PHACTR1: variants seen among roughly 807,000 people sequenced by gnomAD.
The protein encoded by PHACTR1 is phosphatase and actin regulator 1.
PHACTR1 carries 16 observed loss-of-function variants against 69.2 expected under a neutral mutation model. The observed-to-expected ratio is 0.23, with a 90% CI of 0.16 to 0.35. The LOEUF (loss-of-function observed/expected upper bound fraction) is 0.35, where lower values mean the gene tolerates loss of function less well. Ranked by LOEUF, PHACTR1 falls within the 10% of genes least tolerant of loss-of-function variation. The pLI is 1.00. For missense variants in PHACTR1, 510 were observed against 734.7 expected, an observed-to-expected ratio of 0.69 and a Z score of 3.54; for synonymous variants, 312 against 284.5, an observed-to-expected ratio of 1.10 and a Z score of -0.97.
intron 4 of PHACTR1, among the ~76,000 whole-genome samples, chr6:12,936,660 A>G (rs896820362): frequency 1.3e-5 from 2 of 152,250 alleles, no homozygotes; most frequent in African/African-American, 4.8e-5. Flanking sequence ...ATTTTTCCTA[A>G]AGCAACAAAC....
At chr6:12,850,088 G>A (rs1034268340) in intron 4 of PHACTR1, among the ~76,000 whole-genome samples, 14 of 152,294 alleles carry the variant, frequency 9.2e-5, no homozygotes, top group Admixed American at 8.5e-4. Context: ...GTATTTGACT[G>A]CATGGACTGA....
At chr6:13,264,706 G>A (rs1776379001) in intron 10 of PHACTR1, among the ~76,000 whole-genome samples, 1 of 151,528 alleles carries the variant, frequency 6.6e-6, no homozygotes, top group South Asian at 2.1e-4. Context: ...GCCACAGAGT[G>A]AGCCCTCATC....
chr6:12,944,787 A>ATTTTATTTTTT (rs1554172586), intron 4 of PHACTR1, among the ~76,000 whole-genome samples: 2 of 116,340 alleles, frequency 1.7e-5, no homozygotes, highest in African/African-American at 6.6e-5. Context: ...ATTTTTATTT[A>ATTTTATTTTTT]TTTTTTTTTT....
At chr6:12,884,749 T>C (rs1239648717) in intron 4 of PHACTR1, among the ~76,000 whole-genome samples, 1 of 152,030 alleles carries the variant, frequency 6.6e-6, no homozygotes, top group African/African-American at 2.4e-5. Context: ...AATGCATCAT[T>C]CATTCATTCA....
At chr6:13,051,714 A>G (rs543658005) in intron 4 of PHACTR1, among the ~76,000 whole-genome samples, 1 of 152,332 alleles carries the variant, frequency 6.6e-6, no homozygotes, top group African/African-American at 2.4e-5. Context: ...AAGCAGAATT[A>G]GTTGCTCTCT....
intron 6 of PHACTR1, among the ~76,000 whole-genome samples, chr6:13,160,670 C>T (rs1758858789): frequency 6.6e-6 from 1 of 152,166 alleles, no homozygotes; most frequent in African/African-American, 2.4e-5. Flanking sequence ...GAAATCCATA[C>T]TCATCTAGGA....
chr6:13,271,599 A>G (rs1048126017), intron 10 of PHACTR1, among the ~76,000 whole-genome samples: 7 of 152,320 alleles, frequency 4.6e-5, no homozygotes, highest in African/African-American at 1.7e-4. Context: ...GCAAAAAACT[A>G]TGTGTATCCT....
intron 5 of PHACTR1, among the ~76,000 whole-genome samples, chr6:13,152,764 A>G (rs1214667832): frequency 6.6e-6 from 1 of 152,208 alleles, no homozygotes; most frequent in Non-Finnish European, 1.5e-5. Flanking sequence ...ACTGCCATTG[A>G]AAAGATTGTT....
intron 4 of PHACTR1, chr6:12,957,979 G>A (rs888290806): frequency 1.0e-6 from 1 of 985,424 alleles, no homozygotes; most frequent in Non-Finnish European, 1.2e-6. Flanking sequence ...GGAAAGCCAG[G>A]AAACAGACCC....
intron 4 of PHACTR1, among the ~76,000 whole-genome samples, chr6:12,956,767 C>T (rs1791945399): frequency 6.6e-6 from 1 of 152,106 alleles, no homozygotes; most frequent in African/African-American, 2.4e-5. Context: ...TTTATTTGCA[C>T]ATGTTTTATA....
At chr6:13,126,915 G>A (rs1819626205) in intron 5 of PHACTR1, among the ~76,000 whole-genome samples, 1 of 152,174 alleles carries the variant, frequency 6.6e-6, no homozygotes, top group Non-Finnish European at 1.5e-5. Context: ...TTTTGGCTGG[G>A]CCTGAGAGTT....
intron 4 of PHACTR1, among the ~76,000 whole-genome samples, chr6:12,980,192 T>C (rs756190279): frequency 2.6e-5 from 4 of 152,180 alleles, no homozygotes; most frequent in Non-Finnish European, 5.9e-5. Context: ...TCTAAGTGCA[T>C]ACAGAAAAAG....
At chr6:12,781,819 C>A (rs1156634950) in intron 4 of PHACTR1, among the ~76,000 whole-genome samples, 1 of 152,220 alleles carries the variant, frequency 6.6e-6, no homozygotes, top group South Asian at 2.1e-4. Context: ...TCACTACCAA[C>A]CGACTGCTTA....
intron 7 of PHACTR1, among the ~76,000 whole-genome samples, chr6:13,190,201 T>A (rs962862715): frequency 7.4e-6 from 1 of 135,368 alleles, no homozygotes; most frequent in Admixed American, 7.2e-5. Flanking sequence ...TTTTTGTATT[T>A]TTTTTTTTTT....
At chr6:13,173,326 A>G (rs1030925311) in intron 6 of PHACTR1, among the ~76,000 whole-genome samples, 6 of 152,210 alleles carry the variant, frequency 3.9e-5, no homozygotes, top group Non-Finnish European at 7.3e-5. Context: ...CCAAGCATCA[A>G]ATGATAGTCA....
chr6:13,193,453 C>G (rs1763910132), intron 7 of PHACTR1, among the ~76,000 whole-genome samples: 1 of 146,980 alleles, frequency 6.8e-6, no homozygotes, highest in Non-Finnish European at 1.5e-5. Flanking sequence ...GTGGCATGAT[C>G]ATAGCTCACT....
intron 6 of PHACTR1, among the ~76,000 whole-genome samples, chr6:13,163,181 G>T (rs1229047027): frequency 2.0e-5 from 3 of 152,198 alleles, no homozygotes; most frequent in African/African-American, 7.2e-5. Context: ...GGAGGTGGAG[G>T]TTGCAGTGAG....
intron 4 of PHACTR1, among the ~76,000 whole-genome samples, chr6:12,859,182 A>T (rs2127421846): frequency 6.6e-6 from 1 of 152,316 alleles, no homozygotes; most frequent in Non-Finnish European, 1.5e-5. Context: ...TGTGGCAAGA[A>T]ACAAGGGTAA....
intron 4 of PHACTR1, among the ~76,000 whole-genome samples, chr6:12,967,585 G>C (rs1793650457): frequency 6.6e-6 from 1 of 152,232 alleles, no homozygotes; most frequent in African/African-American, 2.4e-5. Flanking sequence ...TAACTCTTAG[G>C]TGAGTAAATC....
Sources: gnomAD v4.1 joint callset for allele counts (sites outside exome capture counted in the v4.1 genomes callset) on GRCh38, gnomAD v4.1.1 for gene constraint, MANE v1.5 for transcripts, NCBI Gene and HGNC (gene_info 2026-07-23, HGNC 2026-07-21) for gene names.